Variants in GIMAP8 observed in about 807,000 individuals in gnomAD.
The protein encoded by GIMAP8 is GTPase, IMAP family member 8.
In GIMAP8, 29 loss-of-function variants were observed where a neutral mutation model predicts 35.6. The ratio of observed to expected loss-of-function variants is 0.81; its 90% confidence interval spans 0.61 to 1.11. The LOEUF is 1.11. Ranked by LOEUF, GIMAP8 falls within the 50% of genes most tolerant of loss-of-function variation. The probability of loss-of-function intolerance (pLI) is 0.00; values close to 1 mark genes in which losing one functional copy is unlikely to be tolerated. For synonymous variants in GIMAP8, 335 were observed against 308.7 expected (o/e 1.09, Z -0.89); for missense variants, 811 against 805.0 (o/e 1.01, Z -0.09).
At chr7:150,474,858 A>G (rs1037864581) in intron 4 of GIMAP8, among the ~76,000 whole-genome samples, 6 of 151,700 alleles carry the variant, frequency 4.0e-5, no homozygotes, top group Non-Finnish European at 5.9e-5. Flanking sequence ...ATATCTCCCA[A>G]TGCTATCCCT....
intron 1 of GIMAP8, among the ~76,000 whole-genome samples, chr7:150,453,869 G>A (rs1178813974): frequency 1.3e-5 from 2 of 151,714 alleles, no homozygotes; most frequent in Non-Finnish European, 2.9e-5. Context: ...TGGGGCGGGG[G>A]TGCCCGTGGG....
chr7:150,454,695 A>G (rs1801689697), intron 1 of GIMAP8, among the ~76,000 whole-genome samples: 1 of 152,236 alleles, frequency 6.6e-6, no homozygotes, highest in Admixed American at 6.5e-5. Context: ...AATCTCAACC[A>G]ATGACAAATA....
chr7:150,467,202 C>A lies in GIMAP8; in HGVS notation c.504C>A (p.Phe168Leu). Residue 168 changes from phenylalanine to leucine, a missense_variant, in exon 2 of 5, where the codon TTC becomes TTA. Phe to Leu is a conservative substitution (Grantham distance 22). Coordinates refer to ENST00000307271, the MANE Select transcript of GIMAP8 (RefSeq NM_175571.4). Reference protein sequence around the residue: ...VQDYEGRYCIFNNKTNSKDEQ... With the variant: ...VQDYEGRYCILNNKTNSKDEQ... ...ACTATGAGGGCCGATACTGCATTTT[C>A]AACAACAAGACCAATAGTAAGGATG... is the stretch of plus-strand genomic sequence containing the variant. The A allele has an allele frequency of 6.2e-7, 1 of 1,614,140 alleles. No individual in the cohort carries two copies. The highest frequency in any genetic ancestry group is 1.3e-5 in the African/African-American group (1 of 75,052).
intron 1 of GIMAP8, among the ~76,000 whole-genome samples, chr7:150,461,050 G>A (rs1801834911): frequency 6.6e-6 from 1 of 152,228 alleles, no homozygotes; most frequent in Admixed American, 6.5e-5. Context: ...GCCTGCCAAA[G>A]GCTCCACACA....
intron 3 of GIMAP8, 72 bp from the exon 4 acceptor site, chr7:150,473,940 A>G (rs984752060): frequency 6.7e-6 from 10 of 1,484,354 alleles, no homozygotes; most frequent in Non-Finnish European, 8.2e-6. Flanking sequence ...CAGGGATGAG[A>G]AATCATAAAA....
chr7:150,467,150 A>C lies in GIMAP8; in HGVS notation c.452A>C (p.Asn151Thr), dbSNP rs769638956. The change falls in exon 2 of 5, where the codon AAC (asparagine) becomes ACC (threonine). Residue 151 changes from asparagine (N) to threonine (T), a missense_variant. Asn to Thr is a moderately conservative substitution (Grantham distance 65). Coordinates refer to ENST00000307271, the MANE Select transcript of GIMAP8 (RefSeq NM_175571.4). ...DDLLQDFIEK[N>T]KPLKQLVQDY... Reference sequence around the variant, plus strand: ...TTGCTGCAAGATTTCATTGAAAAAAACAAACCTCTCAAGCAGTTGGTTCAA... The same window carrying C: ...TTGCTGCAAGATTTCATTGAAAAAACCAAACCTCTCAAGCAGTTGGTTCAA... The C allele has an allele frequency of 8.1e-6, 13 of 1,614,122 alleles. No homozygotes were observed. The highest frequency in any genetic ancestry group is 1.1e-5 in the Non-Finnish European group (13 of 1,180,064).
At chr7:150,471,330 A>G (rs1339188558) in intron 3 of GIMAP8, among the ~76,000 whole-genome samples, 2 of 152,202 alleles carry the variant, frequency 1.3e-5, no homozygotes, top group Admixed American at 1.3e-4. Flanking sequence ...ATATGTATAG[A>G]TCTACCTCCT....
rs1315168444 is a variant in GIMAP8 at position 150,466,999 on chromosome 7, A to G, written c.301A>G (p.Ile101Val). ...APSLHALLLV[I>V]AIGHFTREDE... Reference sequence around the variant, plus strand: ...CAGCCTCCATGCTCTGCTCTTGGTAATTGCCATCGGCCATTTCACAAGGGA... The same window carrying G: ...CAGCCTCCATGCTCTGCTCTTGGTAGTTGCCATCGGCCATTTCACAAGGGA... The change falls in exon 2 of 5, where the codon ATT (isoleucine) becomes GTT (valine). Residue 101 changes from isoleucine to valine, a missense_variant. Physicochemically the swap from Ile to Val is conservative, Grantham distance 29. Coordinates refer to ENST00000307271, the MANE Select transcript of GIMAP8 (RefSeq NM_175571.4). The G allele has an allele frequency of 3.7e-6, 6 of 1,614,096 alleles. No homozygotes were observed. The African/African-American group carries it at 6.7e-5, about 18-fold the overall frequency.
At position 150,474,226 on chromosome 7, in the gene GIMAP8, G is replaced by T. The variant is rs922729117; in HGVS notation, c.897G>T (p.Ser299=). ...ESRSWRKKKV[S]IIDAPDISSL... ...GAAGCTGGAGAAAAAAGAAAGTTTC[G>T]ATCATTGATGCTCCGGACATCTCAT... The change falls in exon 4 of 5, where the codon TCG becomes TCT. Residue 299 remains serine (S), a synonymous_variant. Coordinates refer to ENST00000307271, the MANE Select transcript of GIMAP8 (RefSeq NM_175571.4). 3 of 1,614,104 alleles carry T rather than the reference G, an allele frequency of 1.9e-6. No homozygotes were observed. Among genetic ancestry groups the T allele is most frequent in the Non-Finnish European group, 1.7e-6 (2 of 1,180,020 alleles).
At chr7:150,467,723 C>A (rs145070217) in intron 2 of GIMAP8, among the ~76,000 whole-genome samples, 2 of 152,132 alleles carry the variant, frequency 1.3e-5, no homozygotes, top group Admixed American at 6.5e-5. Context: ...TAATCTCTGA[C>A]GTCTAAAAAT....
chr7:150,477,080 T>G lies in GIMAP8; in HGVS notation c.1310-12T>G, dbSNP rs1802245258. The G allele has an allele frequency of 6.3e-7, 1 of 1,588,108 alleles. No individual in the cohort carries two copies. The highest frequency in any genetic ancestry group is 1.7e-5 in the Admixed American group (1 of 58,582). ...CCCATGGTCACGAATCTTTCCCACT[T>G]TCCTTTGACAGAAACCCTGAACATT... On this transcript the variant is annotated splice_polypyrimidine_tract_variant and intron_variant, in intron 4 of 4. Coordinates refer to ENST00000307271, the MANE Select transcript of GIMAP8 (RefSeq NM_175571.4).
intron 1 of GIMAP8, among the ~76,000 whole-genome samples, chr7:150,464,842 C>G (rs1225907953): frequency 1.3e-5 from 2 of 152,120 alleles, no homozygotes; most frequent in Non-Finnish European, 2.9e-5. Context: ...ACTTCATAAT[C>G]AGAAAAATAT....
chr7:150,462,791 A>G (rs2116597422), intron 1 of GIMAP8, among the ~76,000 whole-genome samples: 1 of 152,168 alleles, frequency 6.6e-6, no homozygotes, highest in East Asian at 1.9e-4. Context: ...TTGACTTTTG[A>G]CAATTTGACT....
Position 150,474,658 on chromosome 7 carries a change from A to G in GIMAP8, c.1309+20A>G, listed in dbSNP as rs1489231818. The G allele has an allele frequency of 2.1e-6, 3 of 1,455,682 alleles. No homozygotes were observed. Among genetic ancestry groups the G allele is most frequent in the African/African-American group, 2.8e-5 (2 of 70,658 alleles). 90.2% of individuals were successfully genotyped at this position (1,455,682 alleles called of 1,614,324 possible). A position where few individuals can be genotyped will look rare whatever the true frequency, so the allele number is the denominator to read the frequency against. The stretch of plus-strand genomic sequence containing the variant: ...AAAAAGGTAAAACTGTGAATAGGAT[A>G]TATATTTTTACATATATCATTTAAA... On this transcript the variant is annotated intron_variant, in intron 4 of 4. Transcript: ENST00000307271.
At chr7:150,458,702 T>A (rs569849428) in intron 1 of GIMAP8, among the ~76,000 whole-genome samples, 18 of 152,346 alleles carry the variant, frequency 1.2e-4, no homozygotes, top group African/African-American at 4.3e-4. Flanking sequence ...ACAACTGATA[T>A]GCACTAATTC....
chr7:150,470,669 C>A (rs1802066611), intron 2 of GIMAP8, among the ~76,000 whole-genome samples, 160 bp from the exon 3 acceptor site: 1 of 151,406 alleles, frequency 6.6e-6, no homozygotes, highest in African/African-American at 2.4e-5. Context: ...CCACAAAGAC[C>A]AACAAAGACC....
chr7:150,474,086 G>A lies in GIMAP8; in HGVS notation c.757G>A (p.Val253Met), dbSNP rs1286612505. The change falls in exon 4 of 5, where the codon GTG (valine) becomes ATG (methionine). Residue 253 changes from valine (V) to methionine (M), a missense_variant. Val to Met is a conservative substitution (Grantham distance 21, BLOSUM62 1). Coordinates refer to ENST00000307271, the MANE Select transcript of GIMAP8 (RefSeq NM_175571.4). The part of the protein sequence containing the change: ...PGTSELTVLL[V>M]GKRGAGKSAA... ...GACATCAGAACTGACAGTCCTCCTT[G>A]TGGGGAAACGCGGTGCTGGAAAAAG... The A allele has an allele frequency of 6.2e-7, 1 of 1,614,200 alleles. No individual in the cohort carries two copies.
intron 1 of GIMAP8, among the ~76,000 whole-genome samples, chr7:150,459,985 A>G (rs1378814613): frequency 1.3e-5 from 2 of 152,220 alleles, no homozygotes; most frequent in Non-Finnish European, 2.9e-5. Flanking sequence ...TGCCATAGGT[A>G]GCTTGCTGAT....
At chr7:150,458,604 A>T (rs1189115052) in intron 1 of GIMAP8, among the ~76,000 whole-genome samples, 1 of 152,184 alleles carries the variant, frequency 6.6e-6, no homozygotes, top group Non-Finnish European at 1.5e-5. Flanking sequence ...TGGAATCCAT[A>T]CACTTCTCCA....
Sources: allele counts gnomAD v4.1 joint callset (sites outside exome capture counted in the v4.1 genomes callset), GRCh38; gene constraint gnomAD v4.1.1; transcripts MANE v1.5; gene names NCBI Gene and HGNC (gene_info 2026-07-23, HGNC 2026-07-21).